TMTC1: variants seen among roughly 807,000 people sequenced by gnomAD.
The protein encoded by TMTC1 is transmembrane O-mannosyltransferase targeting cadherins 1.
A neutral mutation model predicts 104.8 loss-of-function variants in TMTC1; 73 were observed. The ratio of observed to expected loss-of-function variants is 0.70; its 90% CI spans 0.58 to 0.85. TMTC1 has a LOEUF of 0.85. Ranked by LOEUF, TMTC1 falls within the 40% of genes least tolerant of loss-of-function variation. The pLI is 0.00. For synonymous variants in TMTC1, 434 were observed against 428.7 expected, an observed-to-expected ratio of 1.01 and a Z score of -0.15; for missense variants, 1,035 against 1,096.1, an observed-to-expected ratio of 0.94 and a Z score of 0.79.
At chr12:29,643,721 T>TA (rs1939054787) in intron 5 of TMTC1, among the ~76,000 whole-genome samples, 1 of 50,550 alleles carries the variant, frequency 2.0e-5, no homozygotes, top group African/African-American at 8.7e-5. Context: ...ATATATAATA[T>TA]ATAAATATAT....
intron 6 of TMTC1, among the ~76,000 whole-genome samples, chr12:29,628,575 C>G (rs970174877): frequency 2.6e-5 from 4 of 152,192 alleles, no homozygotes; most frequent in Admixed American, 6.5e-5. Context: ...ACAGTCTATT[C>G]TCTCTAAAGC....
intron 5 of TMTC1, among the ~76,000 whole-genome samples, chr12:29,645,922 G>A (rs1029706078): frequency 6.6e-6 from 1 of 152,286 alleles, no homozygotes; most frequent in Admixed American, 6.5e-5. Context: ...TATGAAGTGG[G>A]CATTACGCTC....
In TMTC1 at chr12:29,755,896, A is replaced by G. The variant is rs377682592; in HGVS notation, c.555-11T>C. 1.5e-5 allele frequency: 24 copies of G among 1,611,854 alleles called. No individual in the cohort carries two copies. Among genetic ancestry groups the G allele is most frequent in the Non-Finnish European group, 2.0e-5 (24 of 1,179,292 alleles). ...CCCTGATCCAGACTCCTGAAAAACA[A>G]GTTGGAGATTCTTTTAATCTAAGAA... On this transcript the variant is annotated splice_polypyrimidine_tract_variant and intron_variant, in intron 3 of 17. Coordinates refer to ENST00000539277, the MANE Select transcript of TMTC1 (RefSeq NM_001193451.2).
At chr12:29,687,578 G>A (rs1024957564) in intron 5 of TMTC1, among the ~76,000 whole-genome samples, 1 of 152,296 alleles carries the variant, frequency 6.6e-6, no homozygotes, top group East Asian at 1.9e-4. Context: ...CTGTAGTACT[G>A]TTGCAGTGTT....
intron 5 of TMTC1, among the ~76,000 whole-genome samples, chr12:29,652,291 G>T (rs955374789): frequency 8.5e-5 from 13 of 152,318 alleles, no homozygotes; most frequent in African/African-American, 2.4e-4. Context: ...ACGTGGGAAA[G>T]AATTTAAGCC....
At chr12:29,672,290 T>C (rs976934530) in intron 5 of TMTC1, among the ~76,000 whole-genome samples, 1 of 152,186 alleles carries the variant, frequency 6.6e-6, no homozygotes, top group African/African-American at 2.4e-5. Flanking sequence ...CACAGCCCCC[T>C]GCCATGTTTC....
At chr12:29,736,286 G>A (rs927813820) in intron 5 of TMTC1, among the ~76,000 whole-genome samples, 4 of 147,296 alleles carry the variant, frequency 2.7e-5, no homozygotes, top group Non-Finnish European at 6.0e-5. Context: ...AAAAAGGACC[G>A]GAAAAAGTAT....
At position 29,720,887 on chromosome 12, in the gene TMTC1, A is replaced by G. The variant is rs560786059; in HGVS notation, c.938+30779T>C. Among the ~76,000 whole-genome samples, 25 of 152,292 alleles carry G rather than the reference A, an allele frequency of 1.6e-4. No individual in the cohort carries two copies. In the South Asian group the frequency reaches 2.1e-3, roughly 13 times the overall value. ...ATGAAAATGCAGATGATCAAAGACA[A>G]AAGATCTTAAAAGTAGTCAAAGAGA... On this transcript the variant is annotated intron_variant, in intron 5 of 17. Coordinates refer to ENST00000539277, the MANE Select transcript of TMTC1 (RefSeq NM_001193451.2).
chr12:29,710,169 T>C (rs1448156502), intron 5 of TMTC1, among the ~76,000 whole-genome samples: 1 of 152,174 alleles, frequency 6.6e-6, no homozygotes, highest in Admixed American at 6.5e-5. Context: ...CAGCGTTCTT[T>C]AATCAAGCAG....
chr12:29,711,223 T>C (rs1275568127), intron 5 of TMTC1, among the ~76,000 whole-genome samples: 1 of 151,932 alleles, frequency 6.6e-6, no homozygotes, highest in East Asian at 1.9e-4. Flanking sequence ...AAGCAATCCT[T>C]CTGCCTCAGA....
At chr12:29,647,339 A>G (rs906399639) in intron 5 of TMTC1, among the ~76,000 whole-genome samples, 1 of 152,162 alleles carries the variant, frequency 6.6e-6, no homozygotes, top group Non-Finnish European at 1.5e-5. Context: ...ATGTTTTAAG[A>G]GCCCCTATAA....
chr12:29,760,830 TAA>T (rs1943327966), intron 2 of TMTC1, among the ~76,000 whole-genome samples: 1 of 149,732 alleles, frequency 6.7e-6, no homozygotes, highest in Non-Finnish European at 1.5e-5. Context: ...CATAATTATA[TAA>T]CTCATTATAA....
intron 5 of TMTC1, among the ~76,000 whole-genome samples, chr12:29,664,281 T>C (rs34082635): frequency 0.29 from 43,580 of 151,322 alleles, 6,647 homozygotes; most frequent in Non-Finnish European, 0.36. Flanking sequence ...CCTAAATTGG[T>C]AAAGAGAGCA....
At chr12:29,758,381 A>G (rs1012831671) in intron 3 of TMTC1, among the ~76,000 whole-genome samples, 3 of 152,232 alleles carry the variant, frequency 2.0e-5, no homozygotes, top group Non-Finnish European at 4.4e-5. Flanking sequence ...AGAACATTGC[A>G]TCAAATACAT....
At chr12:29,523,657 T>C (rs1944249064) in intron 11 of TMTC1, among the ~76,000 whole-genome samples, 1 of 152,218 alleles carries the variant, frequency 6.6e-6, no homozygotes, top group African/African-American at 2.4e-5. Flanking sequence ...TATTTGGTCT[T>C]AAGTTTTACT....
chr12:29,584,967 G>T (rs1946089070), intron 7 of TMTC1, among the ~76,000 whole-genome samples: 1 of 150,358 alleles, frequency 6.7e-6, no homozygotes, highest in South Asian at 2.1e-4. Flanking sequence ...TAATGGGATG[G>T]CTGGGTCAAA....
intron 11 of TMTC1, among the ~76,000 whole-genome samples, chr12:29,529,062 C>G (rs1169738268): frequency 1.3e-5 from 2 of 152,122 alleles, no homozygotes; most frequent in Non-Finnish European, 2.9e-5. Context: ...TAAAGAAAAT[C>G]TGGCCTCACA....
At chr12:29,549,554 A>C (rs945402998) in intron 10 of TMTC1, among the ~76,000 whole-genome samples, 6 of 152,146 alleles carry the variant, frequency 3.9e-5, no homozygotes, top group Non-Finnish European at 7.3e-5. Context: ...TTAAAAAAAA[A>C]CACACAAACA....
chr12:29,666,431 C>G (rs946638306), intron 5 of TMTC1, among the ~76,000 whole-genome samples: 2 of 151,606 alleles, frequency 1.3e-5, no homozygotes, highest in African/African-American at 4.8e-5. Context: ...GACGGGGTTT[C>G]ACTGTGTTAG....
Sources: gnomAD v4.1 joint callset for allele counts (sites outside exome capture counted in the v4.1 genomes callset) on GRCh38, gnomAD v4.1.1 for gene constraint, MANE v1.5 for transcripts, NCBI Gene and HGNC (gene_info 2026-07-23, HGNC 2026-07-21) for gene names.